Variants in TESPA1 observed in about 807,000 individuals in gnomAD.
TESPA1 encodes thymocyte expressed, positive selection associated 1.
Under a neutral mutation model 57.9 loss-of-function variants are expected in TESPA1, and 33 were observed. The ratio of observed to expected loss-of-function variants is 0.57; its 90% CI spans 0.43 to 0.76. The LOEUF (loss-of-function observed/expected upper bound fraction) is 0.76. Among genes scored for constraint, TESPA1 ranks in the 30% least tolerant of loss-of-function variants. The pLI is 0.00. For missense variants in TESPA1, 618 were observed against 632.9 expected, an observed-to-expected ratio of 0.98 and a Z score of 0.25; for synonymous variants, 227 against 228.9, an observed-to-expected ratio of 0.99 and a Z score of 0.07.
intron 4 of TESPA1, 107 bp from the exon 5 acceptor site, chr12:54,967,343 C>T: frequency 4.0e-6 from 5 of 1,242,540 alleles, no homozygotes; most frequent in East Asian, 2.5e-5. Context: ...TTAGACTAGA[C>T]TTGCACAACC....
At chr12:54,968,790 A>AG (rs1951614704) in intron 3 of TESPA1, among the ~76,000 whole-genome samples, 1 of 151,952 alleles carries the variant, frequency 6.6e-6, no homozygotes, top group Non-Finnish European at 1.5e-5. Flanking sequence ...TGGAGGTTGG[A>AG]GGGGAAAAGG....
intron 10 of TESPA1, among the ~76,000 whole-genome samples, chr12:54,951,282 G>A (rs1950371545): frequency 6.6e-6 from 1 of 152,162 alleles, no homozygotes; most frequent in African/African-American, 2.4e-5. Context: ...CTGACCATGT[G>A]AATATGTGCT....
chr12:54,956,617 G>T (rs773332095), intron 10 of TESPA1, among the ~76,000 whole-genome samples: 5 of 152,150 alleles, frequency 3.3e-5, no homozygotes, highest in Non-Finnish European at 7.3e-5. Context: ...ATGAGAAGGT[G>T]GCAAGTGAAG....
At chr12:54,952,281 A>C (rs1313113378) in intron 10 of TESPA1, among the ~76,000 whole-genome samples, 1 of 152,192 alleles carries the variant, frequency 6.6e-6, no homozygotes, top group African/African-American at 2.4e-5. Flanking sequence ...GTAGTAAATA[A>C]ATTTCTTTTA....
chr12:54,969,972 C>T (rs905508690), intron 3 of TESPA1, among the ~76,000 whole-genome samples: 2 of 152,148 alleles, frequency 1.3e-5, no homozygotes, highest in South Asian at 2.1e-4. Flanking sequence ...CACTCTGTCT[C>T]CCAGGTTGGA....
intron 3 of TESPA1, among the ~76,000 whole-genome samples, chr12:54,971,375 C>G (rs1390416240): frequency 1.3e-5 from 2 of 152,216 alleles, no homozygotes; most frequent in Non-Finnish European, 2.9e-5. Context: ...TCTTCATTAG[C>G]TATTACCAAA....
chr12:54,950,680 T>A (rs1471102673), intron 10 of TESPA1, among the ~76,000 whole-genome samples: 1 of 152,232 alleles, frequency 6.6e-6, no homozygotes, highest in African/African-American at 2.4e-5. Flanking sequence ...TTGGAGAATA[T>A]CACTAAACCA....
intron 3 of TESPA1, among the ~76,000 whole-genome samples, chr12:54,969,248 A>G (rs890886637): frequency 4.0e-5 from 6 of 151,596 alleles, no homozygotes; most frequent in Non-Finnish European, 8.8e-5. Flanking sequence ...TAGAACTATA[A>G]ATATATTTTT....
At chr12:54,955,086 T>G (rs1468997052) in intron 10 of TESPA1, among the ~76,000 whole-genome samples, 1 of 152,218 alleles carries the variant, frequency 6.6e-6, no homozygotes, top group Non-Finnish European at 1.5e-5. Context: ...TCTACATCCT[T>G]GCGAACACGT....
In TESPA1 at chr12:54,949,735, A is replaced by C. The variant is rs1950269570; in HGVS notation, c.*657T>G. On this transcript the variant is annotated 3_prime_UTR_variant, in exon 11 of 11. Transcript: ENST00000449076. ...CTGAATCCTACTTATCTCTTTTTCT[A>C]TAAAGATGCAAAATTTTGGGTAGAG... 6.6e-6 allele frequency: 1 copy of C among 152,540 alleles called. No individual in the cohort carries two copies. Among genetic ancestry groups the C allele is most frequent in the African/African-American group, 2.4e-5 (1 of 41,434 alleles). The allele number at this position is 152,540 out of a possible 1,614,324, so 9.4% of individuals were successfully genotyped here.
intron 1 of TESPA1, among the ~76,000 whole-genome samples, chr12:54,980,516 A>T (rs1952276486): frequency 6.6e-6 from 1 of 152,202 alleles, no homozygotes; most frequent in African/African-American, 2.4e-5. Context: ...TGATACCATC[A>T]CCGCCCTGTG....
At chr12:54,963,291 T>G (rs1565844360) in intron 8 of TESPA1, 49 bp from the exon 9 acceptor site, 2 of 1,526,942 alleles carry the variant, frequency 1.3e-6, no homozygotes, top group Non-Finnish European at 1.8e-6. Flanking sequence ...TCAGCAAATC[T>G]TCTTAAATCT....
At chr12:54,975,619 A>G (rs568874705) in intron 1 of TESPA1, among the ~76,000 whole-genome samples, 107 of 152,188 alleles carry the variant, frequency 7.0e-4, no homozygotes, top group African/African-American at 2.4e-3. Context: ...TCCAGGTCTT[A>G]TCCCCCTATT....
At chr12:54,972,926 G>C (rs1178573384) in intron 3 of TESPA1, among the ~76,000 whole-genome samples, 1 of 152,120 alleles carries the variant, frequency 6.6e-6, no homozygotes. Flanking sequence ...GCCTAAGAAC[G>C]GTACAGGCTG....
intron 1 of TESPA1, among the ~76,000 whole-genome samples, chr12:54,978,463 T>A (rs1436389632): frequency 1.3e-5 from 2 of 152,210 alleles, no homozygotes; most frequent in African/African-American, 2.4e-5. Flanking sequence ...ATAGTACCCA[T>A]AAAAGAAAGT....
chr12:54,970,515 T>C (rs1185185966), intron 3 of TESPA1, among the ~76,000 whole-genome samples: 1 of 152,200 alleles, frequency 6.6e-6, no homozygotes, highest in African/African-American at 2.4e-5. Context: ...TTGGTGGGTC[T>C]TGGGGCATTC....
intron 5 of TESPA1, 88 bp from the exon 6 acceptor site, chr12:54,966,512 C>T: frequency 2.7e-6 from 4 of 1,478,588 alleles, no homozygotes; most frequent in African/African-American, 2.8e-5. Flanking sequence ...AACTCAGTCC[C>T]CTCTGTTTCT....
chr12:54,958,702 A>G (rs914099080), intron 10 of TESPA1, among the ~76,000 whole-genome samples: 3 of 151,252 alleles, frequency 2.0e-5, no homozygotes, highest in Non-Finnish European at 4.4e-5. Flanking sequence ...ATTCTCTTAT[A>G]TTTTTTTCAG....
chr12:54,951,880 T>C (rs1950418447), intron 10 of TESPA1, among the ~76,000 whole-genome samples: 1 of 152,002 alleles, frequency 6.6e-6, no homozygotes, highest in Non-Finnish European at 1.5e-5. Context: ...ATTCTGATTC[T>C]GCATACTTTC....
Sources: allele counts gnomAD v4.1 joint callset (sites outside exome capture counted in the v4.1 genomes callset), GRCh38; gene constraint gnomAD v4.1.1; transcripts MANE v1.5; gene names NCBI Gene and HGNC (gene_info 2026-07-23, HGNC 2026-07-21).